Variants in NTM observed in about 807,000 individuals in gnomAD.
NTM encodes neurotrimin.
NTM carries 13 observed loss-of-function variants against 42.1 expected under a neutral mutation model. That is an observed-to-expected ratio of 0.31 (90% CI 0.20 to 0.49). The LOEUF is 0.49. NTM is among the 20% of genes least tolerant of loss of function. NTM has a pLI of 0.99. For missense variants in NTM, 373 were observed against 452.8 expected (o/e 0.82, Z 1.60); for synonymous variants, 187 against 179.2 (o/e 1.04, Z -0.35).
At chr11:132,298,441 C>T (rs766179510) in intron 4 of NTM, among the ~76,000 whole-genome samples, 7 of 152,136 alleles carry the variant, frequency 4.6e-5, no homozygotes, top group Admixed American at 1.3e-4. Context: ...GATATCATCA[C>T]GCGTAATAGA....
chr11:131,640,967 C>T (rs534829131), intron 1 of NTM, among the ~76,000 whole-genome samples: 1 of 152,298 alleles, frequency 6.6e-6, no homozygotes, highest in African/African-American at 2.4e-5. Flanking sequence ...TATTTGCTGT[C>T]AGTACCAATA....
Position 132,194,148 on chromosome 11 carries a change from A to AAAC in NTM, c.401-17853_401-17851dup, listed in dbSNP as rs372400785. Reference sequence around the variant, plus strand: ...ATTATAAAGACACAATGAAACAAACAAACAACAACAACAACAACAACAAAT... The same window carrying AAAC: ...ATTATAAAGACACAATGAAACAAACAAACAACAACAACAACAACAACAACAAAT... On this transcript the variant is annotated intron_variant, in intron 3 of 8. Coordinates refer to ENST00000683400, the MANE Select transcript of NTM (RefSeq NM_001352005.2). Among the ~76,000 whole-genome samples, 688 of 152,072 alleles carry AAAC rather than the reference A, an allele frequency of 4.5e-3. 8 individuals are homozygous for AAAC. The highest frequency in any genetic ancestry group is 0.015 in the African/African-American group (625 of 41,482).
At chr11:131,943,259 C>G (rs2059999558) in intron 2 of NTM, among the ~76,000 whole-genome samples, 1 of 152,198 alleles carries the variant, frequency 6.6e-6, no homozygotes, top group Non-Finnish European at 1.5e-5. Flanking sequence ...TGCCCCTTCC[C>G]CTGGCTGGTG....
At chr11:131,486,689 G>A (rs1542226) in intron 1 of NTM, among the ~76,000 whole-genome samples, 9,935 of 152,156 alleles carry the variant, frequency 0.065, 1,076 homozygotes, top group African/African-American at 0.22. Context: ...CATGGTCAAG[G>A]TGAACATCTC....
intron 2 of NTM, among the ~76,000 whole-genome samples, chr11:131,990,407 CA>C (rs2066815305): frequency 6.6e-6 from 1 of 151,882 alleles, no homozygotes; most frequent in Admixed American, 6.6e-5. Context: ...TTTAGGTGAC[CA>C]ATATTGAACG....
chr11:131,442,537 C>T (rs73586792), intron 1 of NTM, among the ~76,000 whole-genome samples: 2,767 of 152,144 alleles, frequency 0.018, 70 homozygotes, highest in African/African-American at 0.061. Context: ...GAACACTGTA[C>T]CCAATAGGTA....
At chr11:131,461,963 A>G (rs1043614689) in intron 1 of NTM, among the ~76,000 whole-genome samples, 4 of 152,220 alleles carry the variant, frequency 2.6e-5, no homozygotes, top group Non-Finnish European at 4.4e-5. Flanking sequence ...CACACACAAA[A>G]CTGCATGCAA....
intron 2 of NTM, among the ~76,000 whole-genome samples, chr11:131,992,477 C>CTCTCGGTG (rs2067201482): frequency 6.6e-6 from 1 of 152,088 alleles, no homozygotes; most frequent in East Asian, 1.9e-4. Context: ...GTAGAATGAG[C>CTCTCGGTG]TCTCGGTGTA....
chr11:131,861,345 C>A (rs2046614486), intron 1 of NTM, among the ~76,000 whole-genome samples: 1 of 152,246 alleles, frequency 6.6e-6, no homozygotes, highest in Non-Finnish European at 1.5e-5. Context: ...AAAACGTAAT[C>A]CCCCAGCAGT....
At chr11:131,465,341 G>C (rs1951785291) in intron 1 of NTM, among the ~76,000 whole-genome samples, 1 of 152,208 alleles carries the variant, frequency 6.6e-6, no homozygotes, top group Admixed American at 6.5e-5. Flanking sequence ...CTTCTCTGCA[G>C]CCCAGACTGG....
At chr11:131,796,083 C>T in intron 1 of NTM, 2 of 985,386 alleles carry the variant, frequency 2.0e-6, no homozygotes, top group Non-Finnish European at 2.4e-6. Flanking sequence ...GTAACTCACA[C>T]TAGTTATTTT....
chr11:131,542,563 C>A (rs2053415511), intron 1 of NTM, among the ~76,000 whole-genome samples: 1 of 152,192 alleles, frequency 6.6e-6, no homozygotes, highest in African/African-American at 2.4e-5. Flanking sequence ...TTTGGTGACA[C>A]AGAACCCTAA....
At chr11:131,492,203 T>TA (rs1231810710) in intron 1 of NTM, among the ~76,000 whole-genome samples, 2 of 152,214 alleles carry the variant, frequency 1.3e-5, no homozygotes, top group Non-Finnish European at 2.9e-5. Flanking sequence ...GCATCTCACT[T>TA]ACAGTCCTAA....
chr11:131,824,635 C>T (rs553174247), intron 1 of NTM, among the ~76,000 whole-genome samples: 20 of 152,198 alleles, frequency 1.3e-4, no homozygotes, highest in African/African-American at 4.8e-4. Flanking sequence ...TTTTTCTAGC[C>T]TGTATTGTGA....
At chr11:131,661,642 T>C (rs1008595304) in intron 1 of NTM, among the ~76,000 whole-genome samples, 1 of 152,176 alleles carries the variant, frequency 6.6e-6, no homozygotes, top group African/African-American at 2.4e-5. Flanking sequence ...TTTGTCATTG[T>C]AGTCACTGTA....
chr11:131,728,366 A>G (rs1156695424), intron 1 of NTM, among the ~76,000 whole-genome samples: 2 of 152,204 alleles, frequency 1.3e-5, no homozygotes, highest in African/African-American at 2.4e-5. Context: ...ACAGAACTCA[A>G]TGAAACATTT....
chr11:131,922,638 G>T (rs58654082), intron 2 of NTM, among the ~76,000 whole-genome samples: 2 of 151,872 alleles, frequency 1.3e-5, no homozygotes, highest in Admixed American at 1.3e-4. Context: ...CACTACCTCC[G>T]TGGGCAAAGC....
intron 2 of NTM, among the ~76,000 whole-genome samples, chr11:132,029,845 T>C (rs1429286273): frequency 2.0e-5 from 3 of 152,152 alleles, no homozygotes; most frequent in African/African-American, 7.2e-5. Flanking sequence ...CTGTTATTCA[T>C]GAGGAAAGAA....
At chr11:132,298,168 C>G (rs2094695572) in intron 4 of NTM, among the ~76,000 whole-genome samples, 1 of 152,154 alleles carries the variant, frequency 6.6e-6, no homozygotes, top group African/African-American at 2.4e-5. Context: ...GTTATCAGCA[C>G]TCAGTACTGG....
Sources: gnomAD v4.1 joint callset for allele counts (sites outside exome capture counted in the v4.1 genomes callset) on GRCh38, gnomAD v4.1.1 for gene constraint, MANE v1.5 for transcripts, NCBI Gene and HGNC (gene_info 2026-07-23, HGNC 2026-07-21) for gene names.